Variants in DDX19A observed in about 807,000 individuals in gnomAD.
The protein encoded by DDX19A is DEAD-box helicase 19A.
A neutral mutation model predicts 60.6 loss-of-function variants in DDX19A; 12 were observed. The observed-to-expected ratio is 0.20, with a 90% CI of 0.13 to 0.32. The LOEUF (loss-of-function observed/expected upper bound fraction) is 0.32, where lower values mean the gene tolerates loss of function less well. DDX19A is among the 10% of genes least tolerant of loss of function. The pLI is 1.00. For missense variants in DDX19A, 337 were observed against 600.6 expected, an observed-to-expected ratio of 0.56 and a Z score of 4.59; for synonymous variants, 206 against 218.2, an observed-to-expected ratio of 0.94 and a Z score of 0.49.
At chr16:70,351,749 C>T (rs989316912) in intron 2 of DDX19A, among the ~76,000 whole-genome samples, 2 of 151,052 alleles carry the variant, frequency 1.3e-5, no homozygotes, top group South Asian at 2.1e-4. Flanking sequence ...AGGATGGTCT[C>T]GATGTCCTGA....
intron 4 of DDX19A, among the ~76,000 whole-genome samples, chr16:70,360,277 T>C (rs1406150460): frequency 7.0e-6 from 1 of 143,782 alleles, no homozygotes; most frequent in Non-Finnish European, 1.6e-5. Context: ...CAAGACTCCA[T>C]CTCAAAAAAA....
At chr16:70,362,310 A>G (rs1295890865) in intron 5 of DDX19A, among the ~76,000 whole-genome samples, 1 of 147,280 alleles carries the variant, frequency 6.8e-6, no homozygotes, top group Non-Finnish European at 1.5e-5. Flanking sequence ...ATGCCACTGC[A>G]CTCTAGCCTG....
intron 2 of DDX19A, among the ~76,000 whole-genome samples, chr16:70,354,842 A>G (rs1964133149): frequency 6.6e-6 from 1 of 152,182 alleles, no homozygotes; most frequent in South Asian, 2.1e-4. Flanking sequence ...CTAGCTACTC[A>G]GGAGGTTAAG....
At chr16:70,348,309 G>C (rs1002531138) in intron 1 of DDX19A, among the ~76,000 whole-genome samples, 2 of 152,044 alleles carry the variant, frequency 1.3e-5, no homozygotes, top group African/African-American at 4.8e-5. Context: ...ATAGGAAAGT[G>C]GGAGGAAGGG....
At chr16:70,361,336 T>A in intron 4 of DDX19A, 82 bp from the exon 5 acceptor site, 1 of 1,063,450 alleles carries the variant, frequency 9.4e-7, no homozygotes, top group South Asian at 1.3e-5. Context: ...ATCATTCCTT[T>A]CTATAGAAAA....
chr16:70,369,731 C>T (rs909183592), intron 9 of DDX19A, among the ~76,000 whole-genome samples: 2 of 151,484 alleles, frequency 1.3e-5, no homozygotes, highest in Non-Finnish European at 2.9e-5. Context: ...ATTCTCCTGC[C>T]TCAGCTCCCT....
chr16:70,360,875 TTGAG>T (rs1964345016), intron 4 of DDX19A: 1 of 157,026 alleles, frequency 6.4e-6, no homozygotes, highest in African/African-American at 2.4e-5. Context: ...CCTCAGCCTC[TTGAG>T]TAACTGGGAC....
At position 70,373,323 on chromosome 16, in the gene DDX19A, T is replaced by C. The variant is rs926843888; in HGVS notation, c.*1337T>C. The C allele has an allele frequency of 6.6e-6, 1 of 152,232 alleles. No individual in the cohort carries two copies. Among genetic ancestry groups the C allele is most frequent in the Admixed American group, 6.5e-5 (1 of 15,276 alleles). The allele number at this position is 152,232 out of a possible 1,614,324, so 9.4% of individuals were successfully genotyped here. On this transcript the variant is annotated 3_prime_UTR_variant, in exon 12 of 12. Coordinates refer to ENST00000302243, the MANE Select transcript of DDX19A (RefSeq NM_018332.5). The stretch of plus-strand genomic sequence containing the variant: ...GTAATTATGAGAAACGCTCTACTAA[T>C]GATTTGTTTTTATTTGTATTTTTCT...
intron 1 of DDX19A, among the ~76,000 whole-genome samples, chr16:70,348,347 C>T (rs961253850): frequency 9.9e-5 from 15 of 151,718 alleles, no homozygotes; most frequent in African/African-American, 3.1e-4. Context: ...TGAAGGCAGC[C>T]GGGCATGATG....
intron 1 of DDX19A, among the ~76,000 whole-genome samples, chr16:70,350,096 G>C (rs921998218): frequency 1.3e-5 from 2 of 152,052 alleles, no homozygotes; most frequent in Non-Finnish European, 2.9e-5. Flanking sequence ...AGGAGTTCGA[G>C]TTTGAGTTCA....
chr16:70,369,701 C>T (rs981532728), intron 9 of DDX19A, among the ~76,000 whole-genome samples: 2 of 150,442 alleles, frequency 1.3e-5, no homozygotes, highest in African/African-American at 2.5e-5. Flanking sequence ...TCACCAGCCT[C>T]GACCTCTCAG....
rs1056381566 is a variant in DDX19A at position 70,371,543 on chromosome 16, A to G, written c.1355A>G (p.Asn452Ser). 5.3e-6 allele frequency: 8 copies of G among 1,508,444 alleles called. No homozygotes were observed. Among genetic ancestry groups the G allele is most frequent in the Admixed American group, 2.0e-5 (1 of 48,946 alleles). The allele number at this position is 1,508,444 out of a possible 1,614,324, so 93.4% of individuals were successfully genotyped here. Residue 452 changes from asparagine to serine, a missense_variant, in exon 11 of 12, where the codon AAC becomes AGC. By Grantham distance (46) the Asn-to-Ser change is conservative. This residue lies in a region of DDX19A where 29 missense variants were observed against 51.2 expected (regional missense o/e 0.57). Transcript: ENST00000302243. ...AGCAAGCACAGCATGAACATCCTGA[A>G]CAGAATCCAGGAGCATTTTAGTGAG... is the stretch of plus-strand genomic sequence containing the variant. ...VDSKHSMNIL[N>S]RIQEHFNKKI...
intron 1 of DDX19A, among the ~76,000 whole-genome samples, chr16:70,350,204 G>T (rs761826482): frequency 2.0e-5 from 3 of 152,196 alleles, no homozygotes; most frequent in African/African-American, 4.8e-5. Flanking sequence ...AGTGAGCCAT[G>T]ATCGTGCTGC....
chr16:70,368,199 ATGATACAG>A (rs1964576662), intron 9 of DDX19A, among the ~76,000 whole-genome samples: 1 of 152,182 alleles, frequency 6.6e-6, no homozygotes, highest in African/African-American at 2.4e-5. Flanking sequence ...ATACAATGCA[ATGATACAG>A]TGATAACAGT....
chr16:70,348,616 G>A (rs1244254778), intron 1 of DDX19A, among the ~76,000 whole-genome samples: 2 of 116,582 alleles, frequency 1.7e-5, no homozygotes, highest in Non-Finnish European at 3.3e-5. Flanking sequence ...TACTGAGTGA[G>A]ACTCTGTCTC....
intron 3 of DDX19A, chr16:70,355,738 G>T: frequency 1.7e-6 from 1 of 596,746 alleles, no homozygotes; most frequent in Non-Finnish European, 3.0e-6. Flanking sequence ...GAGGTGGGAG[G>T]ATTCCTTTGG....
rs369358970 is a variant in DDX19A, at chr16:70,370,320, C to T, written c.1118C>T (p.Ala373Val). 82 of 1,613,906 alleles carry T rather than the reference C, an allele frequency of 5.1e-5. No individual in the cohort carries two copies. Among genetic ancestry groups the T allele is most frequent in the Admixed American group, 6.7e-5 (4 of 59,968 alleles). ...SGEMMVEQRA[A>V]VIERFREGKE... is the part of the protein sequence containing the mutation. ...GAGATGATGGTGGAGCAGAGGGCTG[C>T]GGTGATTGAGCGCTTCCGAGAGGGC... The change falls in exon 10 of 12, where the codon GCG (alanine) becomes GTG (valine). Residue 373 changes from alanine (A) to valine (V), a missense_variant. By Grantham distance (64) the Ala-to-Val change is moderately conservative. This residue lies in a region of DDX19A where 117 missense variants were observed against 274.3 expected (regional missense o/e 0.43). Transcript: ENST00000302243.
Position 70,351,916 on chromosome 16 carries a change from CAG to C in DDX19A, c.106+1313_106+1314del, listed in dbSNP as rs374298286. 4.7e-4 allele frequency among the ~76,000 whole-genome samples: 71 copies of C among 152,166 alleles called. 1 individual carries two copies. The East Asian group carries it at 0.013, about 27-fold the overall frequency. On this transcript the variant is annotated intron_variant, in intron 2 of 11. Coordinates refer to ENST00000302243, the MANE Select transcript of DDX19A (RefSeq NM_018332.5). ...GAAAAGTGAATCTGGGTTCAAAACTCAGAAAGTATAATAAAGTACAAGGATTA... is the reference window on the plus strand; with the variant it reads ...GAAAAGTGAATCTGGGTTCAAAACTCAAAGTATAATAAAGTACAAGGATTA...
intron 1 of DDX19A, 91 bp from the exon 2 acceptor site, chr16:70,350,466 C>G: frequency 1.1e-6 from 1 of 921,336 alleles, no homozygotes; most frequent in South Asian, 1.7e-5. Context: ...AAGTTTCACA[C>G]TAGACTTTTA....
Sources: allele counts gnomAD v4.1 joint callset (sites outside exome capture counted in the v4.1 genomes callset), GRCh38; gene constraint gnomAD v4.1.1; regional missense constraint gnomAD v4.1.1; transcripts MANE v1.5; gene names NCBI Gene and HGNC (gene_info 2026-07-23, HGNC 2026-07-21).